Variants in TMEM132C observed in about 807,000 individuals in gnomAD.
TMEM132C encodes the protein transmembrane protein 132C, also known as protein phosphatase 1, regulatory subunit 152.
In TMEM132C, 29 loss-of-function variants were observed where a neutral mutation model predicts 61.4. The ratio of observed to expected loss-of-function variants is 0.47; its 90% CI spans 0.35 to 0.64. The LOEUF (loss-of-function observed/expected upper bound fraction) is 0.64, where lower values mean the gene tolerates loss of function less well. TMEM132C is among the 30% of genes least tolerant of loss of function. TMEM132C has a pLI of 0.00. For synonymous variants in TMEM132C, 656 were observed against 633.1 expected (o/e 1.04, Z -0.54); for missense variants, 1,408 against 1,476.9 (o/e 0.95, Z 0.76).
chr12:128,597,965 G>C (rs1451065019), intron 3 of TMEM132C, among the ~76,000 whole-genome samples: 1 of 152,206 alleles, frequency 6.6e-6, no homozygotes, highest in Non-Finnish European at 1.5e-5. Context: ...ATCAAGGAGG[G>C]AAAGCAAAGG....
chr12:128,350,327 A>T (rs1873298740), intron 1 of TMEM132C, among the ~76,000 whole-genome samples: 1 of 152,116 alleles, frequency 6.6e-6, no homozygotes. Context: ...TGTGAATACC[A>T]TGCTGGGTGC....
intron 3 of TMEM132C, among the ~76,000 whole-genome samples, chr12:128,586,029 G>T (rs544609533): frequency 2.6e-5 from 4 of 152,200 alleles, no homozygotes; most frequent in Non-Finnish European, 4.4e-5. Context: ...CCCTAAAAAC[G>T]GTGCAGATCG....
chr12:128,566,328 T>G (rs762277254), intron 3 of TMEM132C, among the ~76,000 whole-genome samples: 4 of 151,268 alleles, frequency 2.6e-5, no homozygotes, highest in African/African-American at 9.8e-5. Context: ...AGAAAAAAAA[T>G]GATTGACATT....
chr12:128,600,297 T>A (rs1876138516), intron 3 of TMEM132C, among the ~76,000 whole-genome samples: 1 of 152,196 alleles, frequency 6.6e-6, no homozygotes, highest in Admixed American at 6.5e-5. Flanking sequence ...CTGATGGTTT[T>A]ATAAGGGGCT....
At chr12:128,573,380 C>A (rs373424447) in intron 3 of TMEM132C, among the ~76,000 whole-genome samples, 1 of 151,882 alleles carries the variant, frequency 6.6e-6, no homozygotes, top group Non-Finnish European at 1.5e-5. Flanking sequence ...CATGTTCTCA[C>A]TCATAGGTGG....
At chr12:128,448,622 C>T (rs910971958) in intron 2 of TMEM132C, among the ~76,000 whole-genome samples, 1 of 152,146 alleles carries the variant, frequency 6.6e-6, no homozygotes. Flanking sequence ...AATCACAAGT[C>T]CATCCCATGT....
Position 128,278,261 on chromosome 12 carries a change from T to C in TMEM132C, c.85+10774T>C, listed in dbSNP as rs965931293. 1.3e-5 allele frequency among the ~76,000 whole-genome samples: 2 copies of C among 152,194 alleles called. No individual in the cohort carries two copies. The highest frequency in any genetic ancestry group is 2.9e-5 in the Non-Finnish European group (2 of 68,040). ...CCTCCTAAATGGCAATAGGTTCTTA[T>C]CTTCAATTTTTGTAAACCTTTTGGG... is the stretch of plus-strand genomic sequence containing the variant. On this transcript the variant is annotated intron_variant, in intron 1 of 8. Coordinates refer to ENST00000435159, the MANE Select transcript of TMEM132C (RefSeq NM_001136103.3). This position sits in a 1 kb window ranked among gnomAD's most constrained non-coding sequence, Gnocchi z 4.2.
At chr12:128,515,163 C>T (rs1341459140) in intron 2 of TMEM132C, among the ~76,000 whole-genome samples, 1 of 152,216 alleles carries the variant, frequency 6.6e-6, no homozygotes, top group Non-Finnish European at 1.5e-5. Context: ...CACGTTCTCC[C>T]CTACATGCTG....
intron 5 of TMEM132C, among the ~76,000 whole-genome samples, chr12:128,688,567 G>C (rs1358392392): frequency 6.6e-6 from 1 of 152,160 alleles, no homozygotes; most frequent in Non-Finnish European, 1.5e-5. Context: ...CGTGCTAAAA[G>C]TTCCAGCAAA....
chr12:128,673,172 A>G (rs1267092566), intron 5 of TMEM132C, among the ~76,000 whole-genome samples: 1 of 152,172 alleles, frequency 6.6e-6, no homozygotes, highest in Non-Finnish European at 1.5e-5. Flanking sequence ...TTAACACCCA[A>G]TGCAATGGTA....
At chr12:128,359,706 G>C (rs1181433585) in intron 1 of TMEM132C, among the ~76,000 whole-genome samples, 1 of 152,138 alleles carries the variant, frequency 6.6e-6, no homozygotes, top group East Asian at 1.9e-4. Flanking sequence ...TACAGCCTCA[G>C]ACACTGTGAG....
chr12:128,300,751 C>T (rs1593002858), intron 1 of TMEM132C, among the ~76,000 whole-genome samples: 1 of 152,150 alleles, frequency 6.6e-6, no homozygotes, highest in East Asian at 1.9e-4. Context: ...AAAACTCAGG[C>T]TCCAGCTGTG....
At chr12:128,308,533 C>G (rs1363865851) in intron 1 of TMEM132C, among the ~76,000 whole-genome samples, 5 of 152,144 alleles carry the variant, frequency 3.3e-5, no homozygotes, top group African/African-American at 1.2e-4. Context: ...ACTCAAGAAA[C>G]TTTTGCTGAG....
At chr12:128,316,212 C>A (rs376701404) in intron 1 of TMEM132C, among the ~76,000 whole-genome samples, 1 of 152,162 alleles carries the variant, frequency 6.6e-6, no homozygotes, top group Non-Finnish European at 1.5e-5. Flanking sequence ...CTATTAGACT[C>A]TCTGTTCTAA....
intron 5 of TMEM132C, among the ~76,000 whole-genome samples, chr12:128,690,041 CAG>C: frequency 6.6e-6 from 1 of 152,304 alleles, no homozygotes; most frequent in South Asian, 2.1e-4. Context: ...GAGGCAGGTG[CAG>C]ACTCAGGAAG....
intron 2 of TMEM132C, among the ~76,000 whole-genome samples, chr12:128,419,709 AC>A: frequency 6.6e-6 from 1 of 152,304 alleles, no homozygotes; most frequent in South Asian, 2.1e-4. Context: ...CAAATACAAA[AC>A]AAACAAAACA....
Position 128,401,806 on chromosome 12 carries a change from C to T in TMEM132C, c.86-12926C>T, listed in dbSNP as rs139223607. 5.3e-5 allele frequency among the ~76,000 whole-genome samples: 8 copies of T among 152,282 alleles called. No individual in the cohort carries two copies. The East Asian group carries it at 1.2e-3, about 22-fold the overall frequency. ...ATTCTTTGTGGTTGTAGAACAGTCT[C>T]GTGCTGTGCAGAAAACCTAGCAGAA... On this transcript the variant is annotated intron_variant, in intron 1 of 8. Coordinates refer to ENST00000435159, the MANE Select transcript of TMEM132C (RefSeq NM_001136103.3).
In TMEM132C at chr12:128,329,211, C is replaced by A. The variant is rs528254056; in HGVS notation, c.85+61724C>A. Among the ~76,000 whole-genome samples, 3 of 152,264 alleles carry A rather than the reference C, an allele frequency of 2.0e-5. No individual in the cohort carries two copies. The South Asian group carries it at 6.2e-4, about 32-fold the overall frequency. On this transcript the variant is annotated intron_variant, in intron 1 of 8. Coordinates refer to ENST00000435159, the MANE Select transcript of TMEM132C (RefSeq NM_001136103.3). ...TATTTCATTCTTAAAGACCGCAATA[C>A]GGTTGAACCTTCGGATTATTTCGGA...
At chr12:128,424,576 G>A (rs1869114708) in intron 2 of TMEM132C, among the ~76,000 whole-genome samples, 1 of 152,196 alleles carries the variant, frequency 6.6e-6, no homozygotes, top group Non-Finnish European at 1.5e-5. Context: ...GACAACGGGA[G>A]GTGGCATGTG....
Sources: allele counts gnomAD v4.1 joint callset (sites outside exome capture counted in the v4.1 genomes callset), GRCh38; gene constraint gnomAD v4.1.1; non-coding constraint Gnocchi (gnomAD v3.1); transcripts MANE v1.5; gene names NCBI Gene and HGNC (gene_info 2026-07-23, HGNC 2026-07-21).